The following RNF144A variants were observed in gnomAD, a reference collection of about 807,000 sequenced individuals.
RNF144A encodes ring finger protein 144A, also known as E3 ubiquitin-protein ligase RNF144A.
RNF144A carries 11 observed loss-of-function variants against 38.7 expected under a neutral mutation model. The ratio of observed to expected loss-of-function variants is 0.28; its 90% CI spans 0.18 to 0.47. The LOEUF (loss-of-function observed/expected upper bound fraction) is 0.47, where lower values mean the gene tolerates loss of function less well. Among genes scored for constraint, RNF144A ranks in the 20% least tolerant of loss-of-function variants. The pLI is 0.99. For synonymous variants in RNF144A, 149 were observed against 143.9 expected, an observed-to-expected ratio of 1.04 and a Z score of -0.25; for missense variants, 316 against 377.2, an observed-to-expected ratio of 0.84 and a Z score of 1.34.
intron 2 of RNF144A, among the ~76,000 whole-genome samples, chr2:6,967,397 T>A (rs977555751): frequency 1.3e-5 from 2 of 152,212 alleles, no homozygotes; most frequent in African/African-American, 4.8e-5. Flanking sequence ...GGGAAGAGGA[T>A]GAGGGTGAAG....
intron 3 of RNF144A, among the ~76,000 whole-genome samples, chr2:7,003,833 G>A (rs908500574): frequency 6.6e-6 from 1 of 152,226 alleles, no homozygotes; most frequent in Non-Finnish European, 1.5e-5. Flanking sequence ...GGGATCTAAA[G>A]GGGGCATGCA....
chr2:6,942,857 G>T (rs1165697620), intron 2 of RNF144A, among the ~76,000 whole-genome samples: 1 of 152,198 alleles, frequency 6.6e-6, no homozygotes, highest in East Asian at 1.9e-4. Flanking sequence ...TGTGGCAGGT[G>T]CCTGTAATTC....
At chr2:7,011,295 C>A (rs443649) in intron 3 of RNF144A, among the ~76,000 whole-genome samples, 90,631 of 152,088 alleles carry the variant, frequency 0.6, 27,653 homozygotes, top group Non-Finnish European at 0.65. Flanking sequence ...TACTCACTTA[C>A]TAACAATCCC....
At chr2:7,031,097 C>T (rs1372466204) in intron 8 of RNF144A, among the ~76,000 whole-genome samples, 3 of 151,976 alleles carry the variant, frequency 2.0e-5, no homozygotes. Context: ...GCTTCCCCCA[C>T]CCCCACCACT....
intron 6 of RNF144A, among the ~76,000 whole-genome samples, 175 bp from the exon 7 acceptor site, chr2:7,024,194 A>AT (rs36030922): frequency 2.3e-4 from 34 of 150,216 alleles, no homozygotes; most frequent in South Asian, 1.5e-3. Flanking sequence ...GTTCTGGTTA[A>AT]TTTTTTTTTT....
At chr2:7,039,106 AGATG>A (rs1401365804) in intron 8 of RNF144A, among the ~76,000 whole-genome samples, 3 of 148,464 alleles carry the variant, frequency 2.0e-5, no homozygotes, top group Non-Finnish European at 4.5e-5. Flanking sequence ...TTAGATGGGT[AGATG>A]GATGGATGGA....
chr2:6,937,287 A>G (rs558574073), intron 1 of RNF144A, among the ~76,000 whole-genome samples: 15 of 152,344 alleles, frequency 9.8e-5, no homozygotes, highest in Middle Eastern at 3.4e-3. Flanking sequence ...TGGTGCTGAG[A>G]AAATGCGGAT....
chr2:7,069,122 T>G (rs936386807), downstream of RNF144A, among the ~76,000 whole-genome samples: 3 of 152,204 alleles, frequency 2.0e-5, no homozygotes, highest in African/African-American at 7.2e-5. Flanking sequence ...ACATGGGGCT[T>G]GTCCAGATGC....
chr2:6,918,267 C>G (rs2103262508), intron 1 of RNF144A: 1 of 152,564 alleles, frequency 6.6e-6, no homozygotes, highest in Non-Finnish European at 1.5e-5. Context: ...CCCGGAGTTC[C>G]CTGCGGGTCT....
At chr2:7,004,490 A>G (rs1161730081) in intron 3 of RNF144A, among the ~76,000 whole-genome samples, 1 of 152,176 alleles carries the variant, frequency 6.6e-6, no homozygotes, top group Non-Finnish European at 1.5e-5. Context: ...TCAGATGGCC[A>G]AGATGGGCAG....
chr2:7,064,404 A>G (rs2103481560), intron 6 of RNF144A, among the ~76,000 whole-genome samples: 1 of 152,332 alleles, frequency 6.6e-6, no homozygotes, highest in South Asian at 2.1e-4. Context: ...TTAAATGCTG[A>G]TAATAAGGAA....
At chr2:6,950,834 C>T (rs1336887172) in intron 2 of RNF144A, among the ~76,000 whole-genome samples, 6 of 152,086 alleles carry the variant, frequency 3.9e-5, no homozygotes, top group African/African-American at 1.2e-4. Flanking sequence ...AATGACTGCT[C>T]GTATTTTTGG....
downstream of RNF144A, among the ~76,000 whole-genome samples, chr2:7,072,545 G>A (rs1317378673): frequency 6.6e-6 from 1 of 152,178 alleles, no homozygotes; most frequent in African/African-American, 2.4e-5. Context: ...CAATTTTTCT[G>A]CCATCTGTCT....
intron 2 of RNF144A, among the ~76,000 whole-genome samples, chr2:6,972,692 T>C (rs1668070229): frequency 6.6e-6 from 1 of 152,204 alleles, no homozygotes; most frequent in South Asian, 2.1e-4. Flanking sequence ...CTCAGGGTTG[T>C]GTTCCACCCT....
In RNF144A at chr2:7,037,922, G is replaced by A. The variant is rs143931498; in HGVS notation, c.748-1707G>A. Among the ~76,000 whole-genome samples the A allele has an allele frequency of 4.5e-4, 68 of 152,358 alleles. 3 individuals are homozygous for A. Among genetic ancestry groups the A allele is most frequent in the Non-Finnish European group, 2.6e-4 (18 of 68,032 alleles). ...TACTGGCCACACTGAACACTAGGTG[G>A]CGGTCTAGCCCTGTCCTCGCTCTCA... On this transcript the variant is annotated intron_variant, in intron 8 of 8. Transcript: ENST00000320892.
chr2:7,055,143 T>C (rs1278911068), intron 6 of RNF144A, among the ~76,000 whole-genome samples: 1 of 152,184 alleles, frequency 6.6e-6, no homozygotes. Context: ...TTTCTGGCAA[T>C]TTTTTTCTCA....
chr2:6,948,099 C>A (rs890446474), intron 2 of RNF144A, among the ~76,000 whole-genome samples: 7 of 152,216 alleles, frequency 4.6e-5, no homozygotes, highest in Non-Finnish European at 8.8e-5. Flanking sequence ...GGAAACTCAG[C>A]AGATACAAAC....
chr2:6,923,600 C>T (rs1445118317), intron 1 of RNF144A, among the ~76,000 whole-genome samples: 1 of 152,206 alleles, frequency 6.6e-6, no homozygotes, highest in East Asian at 1.9e-4. Flanking sequence ...TGTAAAATTG[C>T]CAATGTGGGT....
intron 2 of RNF144A, among the ~76,000 whole-genome samples, chr2:6,949,608 C>G (rs1350701124): frequency 6.6e-6 from 1 of 152,062 alleles, no homozygotes; most frequent in Non-Finnish European, 1.5e-5. Flanking sequence ...AGTCTCTGGT[C>G]GAAGAGACCA....
Sources: gnomAD v4.1 joint callset for allele counts (sites outside exome capture counted in the v4.1 genomes callset) on GRCh38, gnomAD v4.1.1 for gene constraint, MANE v1.5 for transcripts, NCBI Gene and HGNC (gene_info 2026-07-23, HGNC 2026-07-21) for gene names.